Variants in ZBTB41 observed in about 807,000 individuals in gnomAD.
ZBTB41 encodes the protein zinc finger and BTB domain containing 41.
In ZBTB41, 42 loss-of-function variants were observed where a neutral mutation model predicts 87.6. The ratio of observed to expected loss-of-function variants is 0.48; its 90% confidence interval spans 0.37 to 0.62. The LOEUF (loss-of-function observed/expected upper bound fraction) is 0.62. Ranked by LOEUF, ZBTB41 falls within the 20% of genes least tolerant of loss-of-function variation. The pLI is 0.00. For missense variants in ZBTB41, 799 were observed against 1,078.9 expected (o/e 0.74, Z 3.63); for synonymous variants, 364 against 364.0 (o/e 1.00, Z 0.00).
At chr1:197,164,641 C>G (rs1195432605) in intron 10 of ZBTB41, among the ~76,000 whole-genome samples, 1 of 144,754 alleles carries the variant, frequency 6.9e-6, no homozygotes, top group Non-Finnish European at 1.5e-5. Flanking sequence ...AAAGACCATT[C>G]AACAGAAAGA....
intron 2 of ZBTB41, 79 bp from the exon 3 acceptor site, chr1:197,191,978 T>A: frequency 8.1e-7 from 1 of 1,242,230 alleles, no homozygotes; most frequent in Non-Finnish European, 1.1e-6. Flanking sequence ...GAATAAAACC[T>A]CATGATTTAG....
intron 10 of ZBTB41, among the ~76,000 whole-genome samples, chr1:197,170,558 T>C (rs898259339): frequency 2.0e-5 from 3 of 152,146 alleles, no homozygotes; most frequent in Admixed American, 6.6e-5. Flanking sequence ...ACAATACTTA[T>C]AACTCTCAAT....
rs1464509756 is a variant in ZBTB41, at chr1:197,154,428, T to C, written c.*4931A>G. ...GGCTGCATAGGCTAAATTTAAATTG[T>C]TTTAGGATTTTTCTCAAGATCATAG... On this transcript the variant is annotated 3_prime_UTR_variant, in exon 11 of 11. Coordinates refer to ENST00000367405, the MANE Select transcript of ZBTB41 (RefSeq NM_194314.3). The C allele has an allele frequency of 6.6e-6, 1 of 152,120 alleles. No individual in the cohort carries two copies. Among genetic ancestry groups the C allele is most frequent in the Non-Finnish European group, 1.5e-5 (1 of 67,958 alleles). The allele number at this position is 152,120 out of a possible 1,614,324, so 9.4% of individuals were successfully genotyped here.
chr1:197,166,459 T>G (rs897535264), intron 10 of ZBTB41, among the ~76,000 whole-genome samples: 2 of 152,082 alleles, frequency 1.3e-5, no homozygotes, highest in Admixed American at 6.5e-5. Flanking sequence ...CATTTTAGAT[T>G]AACAGAATAC....
intron 5 of ZBTB41, among the ~76,000 whole-genome samples, chr1:197,185,012 C>T (rs949537292): frequency 2.4e-4 from 37 of 152,064 alleles, no homozygotes; most frequent in African/African-American, 8.9e-4. Context: ...CAAGGTTTCT[C>T]CATGTTGGTC....
chr1:197,160,671 A>C (rs998773605), intron 10 of ZBTB41, among the ~76,000 whole-genome samples: 4 of 152,120 alleles, frequency 2.6e-5, no homozygotes, highest in African/African-American at 9.7e-5. Context: ...AAACATTATA[A>C]ATTCCTAGGT....
At chr1:197,161,884 TAAC>T in intron 10 of ZBTB41, among the ~76,000 whole-genome samples, 1 of 152,080 alleles carries the variant, frequency 6.6e-6, no homozygotes, top group Non-Finnish European at 1.5e-5. Context: ...ACAGCAATAC[TAAC>T]ACCACCAAGA....
At chr1:197,176,782 C>T (rs1659619940) in intron 7 of ZBTB41, 112 bp from the exon 8 acceptor site, 3 of 741,966 alleles carry the variant, frequency 4.0e-6, no homozygotes, top group Non-Finnish European at 2.3e-6. Flanking sequence ...TACTCAACCA[C>T]TCATACATTA....
chr1:197,166,762 G>A (rs1226201263), intron 10 of ZBTB41, among the ~76,000 whole-genome samples: 3 of 152,168 alleles, frequency 2.0e-5, no homozygotes, highest in African/African-American at 4.8e-5. Context: ...CAGGAGAATC[G>A]CTTGAACCCA....
chr1:197,192,224 T>C (rs1480337293), intron 2 of ZBTB41, among the ~76,000 whole-genome samples: 1 of 152,224 alleles, frequency 6.6e-6, no homozygotes, highest in Non-Finnish European at 1.5e-5. Context: ...AATTTTTAAA[T>C]GTATTTTTAA....
At chr1:197,184,459 T>TA (rs1659834230) in intron 5 of ZBTB41, among the ~76,000 whole-genome samples, 1 of 152,212 alleles carries the variant, frequency 6.6e-6, no homozygotes, top group Admixed American at 6.5e-5. Context: ...TTTCACATGA[T>TA]AAGATTTCAA....
chr1:197,172,699 G>T (rs1310312026), intron 9 of ZBTB41, among the ~76,000 whole-genome samples: 3 of 151,948 alleles, frequency 2.0e-5, no homozygotes, highest in African/African-American at 7.2e-5. Context: ...ATGATTACAT[G>T]ACTTGCAGAA....
intron 10 of ZBTB41, among the ~76,000 whole-genome samples, chr1:197,166,387 A>G (rs1659344852): frequency 2.0e-5 from 3 of 152,166 alleles, no homozygotes; most frequent in Non-Finnish European, 4.4e-5. Context: ...TTATCACTAA[A>G]GACACTATCA....
At position 197,175,023 on chromosome 1, in the gene ZBTB41, T is replaced by C; in HGVS notation, c.1972A>G (p.Lys658Glu). ...VHYKSVHLGE[K>E]VWQKYKATFH... is the part of the protein sequence containing the mutation. The stretch of plus-strand genomic sequence containing the variant: ...TTTTTCACTTACTTTTGCCACACTT[T>C]CTCTCCAAGGTGTACGCTTTTGTAA... Residue 658 changes from lysine (K) to glutamate (E), a missense_variant, in exon 9 of 11, where the codon AAA (lysine) becomes GAA (glutamate). Lys to Glu is a moderately conservative substitution (Grantham distance 56). This residue lies in a region of ZBTB41 where 198 missense variants were observed against 358.4 expected (regional missense o/e 0.55). Transcript: ENST00000367405. 1 of 1,607,334 alleles carries C rather than the reference T, an allele frequency of 6.2e-7. No individual in the cohort carries two copies.
At chr1:197,174,410 G>A (rs984597484) in intron 9 of ZBTB41, among the ~76,000 whole-genome samples, 2 of 152,088 alleles carry the variant, frequency 1.3e-5, no homozygotes, top group African/African-American at 4.8e-5. Flanking sequence ...TTGGAGGCGT[G>A]TTAATCCTAT....
chr1:197,160,063 G>C (rs770277212), intron 10 of ZBTB41, 49 bp from the exon 11 acceptor site: 1 of 1,466,584 alleles, frequency 6.8e-7, no homozygotes, highest in Non-Finnish European at 9.3e-7. Flanking sequence ...TACTCAACTT[G>C]ATAAGACAAT....
chr1:197,186,532 A>G (rs1282647935), intron 5 of ZBTB41, among the ~76,000 whole-genome samples: 1 of 152,112 alleles, frequency 6.6e-6, no homozygotes, highest in East Asian at 1.9e-4. Flanking sequence ...TATACAAAGA[A>G]CTCTCAAAAC....
intron 4 of ZBTB41, 32 bp from the exon 5 acceptor site, chr1:197,188,471 A>G: frequency 1.3e-6 from 2 of 1,537,264 alleles, no homozygotes; most frequent in East Asian, 2.4e-5. Context: ...ATGTTAAGAG[A>G]ACCTGAATTA....
At chr1:197,197,585 G>A (rs1040718204) in intron 2 of ZBTB41, among the ~76,000 whole-genome samples, 16 of 149,818 alleles carry the variant, frequency 1.1e-4, no homozygotes, top group African/African-American at 2.7e-4. Flanking sequence ...GGGAGGGAGC[G>A]AGGGAGGGAG....
Sources: allele counts gnomAD v4.1 joint callset (sites outside exome capture counted in the v4.1 genomes callset), GRCh38; gene constraint gnomAD v4.1.1; regional missense constraint gnomAD v4.1.1; transcripts MANE v1.5; gene names NCBI Gene and HGNC (gene_info 2026-07-23, HGNC 2026-07-21).